The following USP35 variants were observed in gnomAD, a reference collection of about 807,000 sequenced individuals.
USP35 encodes the protein ubiquitin specific peptidase 35.
Under a neutral mutation model 83.8 loss-of-function variants are expected in USP35, and 69 were observed. The ratio of observed to expected loss-of-function variants is 0.82; its 90% confidence interval spans 0.68 to 1.01. The LOEUF (loss-of-function observed/expected upper bound fraction) is 1.01. USP35 is among the 50% of genes least tolerant of loss of function. USP35 has a pLI of 0.00. For synonymous variants in USP35, 714 were observed against 589.5 expected (o/e 1.21, Z -3.06); for missense variants, 1,503 against 1,362.5 (o/e 1.10, Z -1.62).
chr11:78,224,986 T>G, the USP35 span: 3 of 658,620 alleles, frequency 4.6e-6, no homozygotes, highest in African/African-American at 5.4e-5. Context: ...AGACAAGAAC[T>G]TGGGCAGGGT....
At chr11:78,190,818 G>A (rs1862981386) in intron 1 of USP35, among the ~76,000 whole-genome samples, 1 of 152,178 alleles carries the variant, frequency 6.6e-6, no homozygotes, top group South Asian at 2.1e-4. Context: ...TTTCAGTAGA[G>A]GGGACATTGT....
In USP35 at chr11:78,196,596, C is replaced by G. The variant is rs1396605692; in HGVS notation, c.351C>G (p.Ala117=). 7.9e-7 allele frequency: 1 copy of G among 1,265,724 alleles called. No individual in the cohort carries two copies. The highest frequency in any genetic ancestry group is 3.8e-5 in the East Asian group (1 of 26,482). 78.4% of individuals were successfully genotyped at this position (1,265,724 alleles called of 1,614,324 possible). ...GLQLLPEGPA[A]DEVFALLRRE... ...AGCTGCTGCCCGAGGGGCCTGCGGC[C>G]GACGAGGTGTTCGCGCTGCTGCGGC... The change falls in exon 2 of 11, where the codon GCC becomes GCG. Residue 117 remains alanine (A), a synonymous_variant. Coordinates refer to ENST00000529308, the MANE Select transcript of USP35 (RefSeq NM_020798.4). This position sits in a 1 kb window ranked among gnomAD's most constrained non-coding sequence, Gnocchi z 4.8.
At position 78,205,941 on chromosome 11, in the gene USP35, A is replaced by C. The variant is rs1180108455; in HGVS notation, c.1297A>C (p.Met433Leu). 6.2e-7 allele frequency: 1 copy of C among 1,614,280 alleles called. No homozygotes were observed. The highest frequency in any genetic ancestry group is 1.1e-5 in the South Asian group (1 of 91,090). The part of the protein sequence containing the change: ...SELAGFYPRL[M>L]AKSDTGKIGL... ...GCTGGCGGGTTTCTATCCCCGGCTC[A>C]TGGCCAAGTCAGACACGGGCAAGAT... Residue 433 changes from methionine (M) to leucine (L), a missense_variant, in exon 7 of 11, where the codon ATG becomes CTG. Met to Leu is a conservative substitution (Grantham distance 15). Transcript: ENST00000529308.
chr11:78,231,554 C>T, the USP35 span, among the ~76,000 whole-genome samples: 38 of 152,134 alleles, frequency 2.5e-4, no homozygotes, highest in Non-Finnish European at 5.0e-4. Context: ...TTCATCATAT[C>T]GGCCATGCTG....
At chr11:78,207,315 A>G (rs1863558819) in intron 7 of USP35, 4 of 549,942 alleles carry the variant, frequency 7.3e-6, no homozygotes, top group African/African-American at 1.9e-5. Flanking sequence ...TTCATTGTCT[A>G]AAACATGTCT....
rs2134412709 is a variant in USP35 at position 78,209,526 on chromosome 11, GC to G, written c.1676del (p.Pro559ArgfsTer16). ...QSSSPSPPEE[P>X]PAPSSTSVEK... is the part of the protein sequence containing the mutation. ...CCAGCTCGCCCTCTCCGCCCGAGGA[GC>G]CCCCGGCCCCAAGTTCAACCTCTGT... On this transcript the variant is annotated frameshift_variant, in exon 10 of 11. Coordinates refer to ENST00000529308, the MANE Select transcript of USP35 (RefSeq NM_020798.4). LOFTEE classifies it high-confidence loss of function. The G allele has an allele frequency of 6.2e-7, 1 of 1,614,112 alleles. No homozygotes were observed.
the USP35 span, chr11:78,221,620 G>C: frequency 2.1e-5 from 22 of 1,032,422 alleles, no homozygotes; most frequent in Non-Finnish European, 3.0e-6. Context: ...GGGGAACTGA[G>C]GGGTGGGTCC....
At chr11:78,210,782 G>C in intron 10 of USP35, 38 bp downstream of exon 10, 1 of 1,500,072 alleles carries the variant, frequency 6.7e-7, no homozygotes, top group East Asian at 2.3e-5. Flanking sequence ...TGATCTCTTG[G>C]TGGAGGGAGT....
the USP35 span, among the ~76,000 whole-genome samples, chr11:78,232,423 C>A: frequency 6.6e-6 from 1 of 152,150 alleles, no homozygotes; most frequent in Non-Finnish European, 1.5e-5. Context: ...GAATGAGGCC[C>A]CAAAGGCTGG....
chr11:78,227,339 T>C, the USP35 span, among the ~76,000 whole-genome samples: 1 of 152,190 alleles, frequency 6.6e-6, no homozygotes. Flanking sequence ...CTGTTTTAAG[T>C]ACCGCAGAAT....
chr11:78,221,985 C>G, the USP35 span: 9 of 745,866 alleles, frequency 1.2e-5, no homozygotes, highest in Admixed American at 1.4e-4. Context: ...GAGACATGAT[C>G]AGCTAATGAT....
the USP35 span, chr11:78,222,004 C>T: frequency 1.2e-6 from 1 of 808,636 alleles, no homozygotes; most frequent in East Asian, 2.5e-5. Context: ...ATAGCGTTAG[C>T]ATCAGAATCC....
At chr11:78,201,373 C>G (rs1026577857) in intron 6 of USP35, among the ~76,000 whole-genome samples, 1 of 152,238 alleles carries the variant, frequency 6.6e-6, no homozygotes, top group Non-Finnish European at 1.5e-5. Flanking sequence ...CAAGCCCAGG[C>G]TGGGAACTGG....
intron 6 of USP35, among the ~76,000 whole-genome samples, chr11:78,203,171 C>G (rs1272342345): frequency 6.6e-5 from 10 of 152,096 alleles, no homozygotes; most frequent in African/African-American, 2.2e-4. Flanking sequence ...CAGATACAGT[C>G]CTTCTCAAGG....
At position 78,207,590 on chromosome 11, in the gene USP35, G is replaced by A. The variant is rs551443747; in HGVS notation, c.1452G>A (p.Leu484=). The A allele has an allele frequency of 1.2e-6, 2 of 1,614,020 alleles. No individual in the cohort carries two copies. The highest frequency in any genetic ancestry group is 1.7e-6 in the Non-Finnish European group (2 of 1,180,030). Residue 484 remains leucine (L), a synonymous_variant, in exon 8 of 11, where the codon CTG becomes CTA. Transcript: ENST00000529308. ...ENNSQPLMTK[L]QWLFGFLEHS... is the part of the protein sequence containing the mutation. ...ACTCACAGCCCCTGATGACCAAGCT[G>A]CAGTGGCTCTTTGGCTTCCTAGAAC...
intron 8 of USP35, among the ~76,000 whole-genome samples, chr11:78,208,417 C>G (rs1863603271): frequency 6.6e-6 from 1 of 152,128 alleles, no homozygotes; most frequent in South Asian, 2.1e-4. Context: ...AGCCCTTGGC[C>G]AGGGATTATG....
At chr11:78,197,247 G>T (rs1390322895) in intron 2 of USP35, among the ~76,000 whole-genome samples, 28 of 149,376 alleles carry the variant, frequency 1.9e-4, no homozygotes, top group Admixed American at 8.6e-4. Flanking sequence ...GTGGGGGGGG[G>T]GGTCATTATG....
chr11:78,209,207 G>A (rs1289890827), intron 9 of USP35, among the ~76,000 whole-genome samples: 1 of 152,170 alleles, frequency 6.6e-6, no homozygotes, highest in African/African-American at 2.4e-5. Flanking sequence ...GTGCATCTTT[G>A]TCACTGCCAT....
the USP35 span, chr11:78,223,443 A>C: frequency 6.3e-7 from 1 of 1,575,812 alleles, no homozygotes; most frequent in South Asian, 1.2e-5. Flanking sequence ...TGCGGTTGAC[A>C]GGGGGTGGCT....
Sources: gnomAD v4.1 joint callset for allele counts (sites outside exome capture counted in the v4.1 genomes callset) on GRCh38, gnomAD v4.1.1 for gene constraint, Gnocchi (gnomAD v3.1) non-coding constraint, MANE v1.5 for transcripts, NCBI Gene and HGNC (gene_info 2026-07-23, HGNC 2026-07-21) for gene names.